ANKRD30A: variants seen among roughly 807,000 people sequenced by gnomAD.
ANKRD30A encodes the protein ankyrin repeat domain 30A, also known as ankyrin repeat domain-containing protein 30A.
A neutral mutation model predicts 166.3 loss-of-function variants in ANKRD30A; 170 were observed. The ratio of observed to expected loss-of-function variants is 1.02; its 90% CI spans 0.90 to 1.16. The LOEUF (loss-of-function observed/expected upper bound fraction) is 1.16, where lower values mean the gene tolerates loss of function less well. ANKRD30A is among the 50% of genes most tolerant of loss of function. The probability of loss-of-function intolerance (pLI) is 0.00; values close to 1 mark genes in which losing one functional copy is unlikely to be tolerated. For missense variants in ANKRD30A, 1,630 were observed against 1,518.0 expected, an observed-to-expected ratio of 1.07 and a Z score of -1.23; for synonymous variants, 564 against 508.9, an observed-to-expected ratio of 1.11 and a Z score of -1.46.
chr10:37,164,948 A>C (rs1839193118), intron 17 of ANKRD30A, 146 bp from the exon 18 acceptor site: 1 of 767,212 alleles, frequency 1.3e-6, no homozygotes, highest in Non-Finnish European at 2.2e-6. Context: ...ATGACTATAG[A>C]AGTAGTCATT....
intron 31 of ANKRD30A, among the ~76,000 whole-genome samples, chr10:37,212,269 AT>A (rs1842372938): frequency 6.6e-6 from 1 of 152,084 alleles, no homozygotes; most frequent in Non-Finnish European, 1.5e-5. Flanking sequence ...CCCATTCACA[AT>A]TGCTTCAAAG....
intron 27 of ANKRD30A, among the ~76,000 whole-genome samples, chr10:37,195,166 A>C (rs1337327827): frequency 6.6e-6 from 1 of 152,220 alleles, no homozygotes; most frequent in South Asian, 2.1e-4. Flanking sequence ...TCAAAAATGC[A>C]TAAGGTTTTA....
At chr10:37,155,704 A>G (rs1352311569) in intron 13 of ANKRD30A, among the ~76,000 whole-genome samples, 15 of 152,148 alleles carry the variant, frequency 9.9e-5, no homozygotes, top group African/African-American at 3.4e-4. Flanking sequence ...TGCAAAAATC[A>G]TATATAAATG....
At chr10:37,144,594 A>G (rs1249576984) in intron 7 of ANKRD30A, among the ~76,000 whole-genome samples, 1 of 152,206 alleles carries the variant, frequency 6.6e-6, no homozygotes, top group Non-Finnish European at 1.5e-5. Context: ...GAAGAACCAT[A>G]TAATAAAGAT....
intron 24 of ANKRD30A, among the ~76,000 whole-genome samples, chr10:37,179,955 A>G (rs1280337033): frequency 4.6e-4 from 3 of 6,506 alleles, no homozygotes; most frequent in Non-Finnish European, 1.3e-3. Flanking sequence ...CTTGTTTTTC[A>G]TTTATTTTAA....
chr10:37,139,545 G>A lies in ANKRD30A; in HGVS notation c.821-2173G>A, dbSNP rs549291959. ...CTACCTTCCTTTGTATCCACTTTAAGCTATTTATGCAAGGTAAGAATTAGG... is the reference window on the plus strand; with the variant it reads ...CTACCTTCCTTTGTATCCACTTTAAACTATTTATGCAAGGTAAGAATTAGG... On this transcript the variant is annotated intron_variant, in intron 6 of 35. Transcript: ENST00000361713. Among the ~76,000 whole-genome samples, 8 of 152,328 alleles carry A rather than the reference G, an allele frequency of 5.3e-5. No homozygotes were observed. In the East Asian group the frequency reaches 1.5e-3, roughly 29 times the overall value.
rs1841275117 is a variant in ANKRD30A at position 37,197,874 on chromosome 10, C to G, written c.2716+394C>G. Among the ~76,000 whole-genome samples, 2 of 151,956 alleles carry G rather than the reference C, an allele frequency of 1.3e-5. 1 individual carries two copies. Among genetic ancestry groups the G allele is most frequent in the South Asian group, 4.1e-4 (2 of 4,826 alleles). ...TACTGATATAACACTCGTGTTTTAA[C>G]TTGAATTACCTCGTTTCCAGTGTTG... On this transcript the variant is annotated intron_variant, in intron 29 of 35. Transcript: ENST00000361713.
At chr10:37,127,098 C>T (rs1331672887) in intron 1 of ANKRD30A, among the ~76,000 whole-genome samples, 10 of 102,116 alleles carry the variant, frequency 9.8e-5, no homozygotes, top group Non-Finnish European at 2.0e-4. Flanking sequence ...ACAAATTGTT[C>T]GCTAACAGCT....
At chr10:37,184,072 G>C (rs542007301) in intron 24 of ANKRD30A, among the ~76,000 whole-genome samples, 69 of 151,494 alleles carry the variant, frequency 4.6e-4, no homozygotes, top group South Asian at 3.0e-3. Context: ...TTGGAGCTTG[G>C]TCTGAGTAGC....
chr10:37,138,488 A>C (rs1051632419), intron 6 of ANKRD30A, among the ~76,000 whole-genome samples: 2 of 152,308 alleles, frequency 1.3e-5, no homozygotes, highest in Admixed American at 6.5e-5. Context: ...AAAAAAAATT[A>C]GATGAATGGC....
intron 21 of ANKRD30A, among the ~76,000 whole-genome samples, chr10:37,171,714 GATATAA>G (rs1388239363): frequency 1.3e-5 from 2 of 151,122 alleles, no homozygotes; most frequent in African/African-American, 4.9e-5. Context: ...TTTTTAAAAA[GATATAA>G]ATCAAACAAA....
the ANKRD30A span, among the ~76,000 whole-genome samples, chr10:37,252,591 A>T: frequency 1.3e-5 from 2 of 151,374 alleles, no homozygotes; most frequent in East Asian, 1.9e-4. Flanking sequence ...TCTTAGTCTA[A>T]TTTTTTTTCC....
At chr10:37,251,014 C>T in the ANKRD30A span, among the ~76,000 whole-genome samples, 1 of 152,084 alleles carries the variant, frequency 6.6e-6, no homozygotes, top group Admixed American at 6.5e-5. Flanking sequence ...GAGATGGGGG[C>T]TAGAAAAGGG....
Position 37,197,216 on chromosome 10 carries a change from C to A in ANKRD30A, c.2615-65C>A. ...AGGAGTCAGTTAGATACTATCACGG[C>A]ATTCATTTGTGGCTGGCTTGTCATA... On this transcript the variant is annotated intron_variant, in intron 27 of 35. Coordinates refer to ENST00000361713, the MANE Select transcript of ANKRD30A (RefSeq NM_052997.3). The A allele has an allele frequency of 2.5e-6, 4 of 1,591,694 alleles. No homozygotes were observed. The South Asian group carries it at 4.4e-5, about 18-fold the overall frequency.
In ANKRD30A at chr10:37,196,447, T is replaced by G. The variant is rs182095757; in HGVS notation, c.2615-834T>G. 3.5e-3 allele frequency among the ~76,000 whole-genome samples: 538 copies of G among 152,298 alleles called. 3 individuals carry two copies. Among genetic ancestry groups the G allele is most frequent in the Middle Eastern group, 0.014 (4 of 294 alleles). ...AGGAAGTGTGTTGTTTTGGTAAAAT[T>G]GCCATTCCATAAAAATTTATTATAG... is the stretch of plus-strand genomic sequence containing the variant. On this transcript the variant is annotated intron_variant, in intron 27 of 35. Coordinates refer to ENST00000361713, the MANE Select transcript of ANKRD30A (RefSeq NM_052997.3).
At chr10:37,231,971 C>T (rs1468753406) in intron 35 of ANKRD30A, among the ~76,000 whole-genome samples, 5 of 151,920 alleles carry the variant, frequency 3.3e-5, no homozygotes, top group Non-Finnish European at 5.9e-5. Context: ...ATATTATTTC[C>T]TAGTAACTAA....
chr10:37,250,047 T>C, the ANKRD30A span, among the ~76,000 whole-genome samples: 1 of 151,988 alleles, frequency 6.6e-6, no homozygotes, highest in African/African-American at 2.4e-5. Flanking sequence ...TTGTGGCATA[T>C]CTATGATGTA....
intron 24 of ANKRD30A, among the ~76,000 whole-genome samples, chr10:37,178,258 G>C (rs1327819747): frequency 6.6e-6 from 1 of 151,258 alleles, no homozygotes. Context: ...GAAGCCATTA[G>C]GGATGGAAGC....
chr10:37,256,306 G>C, the ANKRD30A span, among the ~76,000 whole-genome samples: 1 of 152,166 alleles, frequency 6.6e-6, no homozygotes. Context: ...ACCAAGGCTG[G>C]AGTGCAGTGG....
Sources: allele counts gnomAD v4.1 joint callset (sites outside exome capture counted in the v4.1 genomes callset), GRCh38; gene constraint gnomAD v4.1.1; transcripts MANE v1.5; gene names NCBI Gene and HGNC (gene_info 2026-07-23, HGNC 2026-07-21).